Variants in POLR2F observed in about 807,000 individuals in gnomAD.
The protein encoded by POLR2F is DNA-directed RNA polymerases I, II, and III subunit RPABC2.
In POLR2F, 12 loss-of-function variants were observed where a neutral mutation model predicts 22.7. The observed-to-expected ratio is 0.53, with a 90% confidence interval of 0.34 to 0.86. The LOEUF (loss-of-function observed/expected upper bound fraction) is 0.86. POLR2F is among the 40% of genes least tolerant of loss of function. POLR2F has a pLI of 0.02. For missense variants in POLR2F, 126 were observed against 171.5 expected (o/e 0.73, Z 1.48); for synonymous variants, 57 against 66.0 (o/e 0.86, Z 0.66).
intron 4 of POLR2F, 131 bp downstream of exon 4, chr22:37,967,301 A>ATT (rs1931894623): frequency 6.5e-7 from 1 of 1,527,372 alleles, no homozygotes; most frequent in African/African-American, 1.4e-5. Flanking sequence ...CCTTAGGAAC[A>ATT]GCTCACCAGG....
Position 38,016,201 on chromosome 22 carries a change from C to G in POLR2F, c.121-9668C>G, listed in dbSNP as rs369104710. ...CGAATCTGTTTTGCCCTGAAAGGCACAGCTGGGCCAAAGCCTGGGGTCATC... is the reference window on the plus strand; with the variant it reads ...CGAATCTGTTTTGCCCTGAAAGGCAGAGCTGGGCCAAAGCCTGGGGTCATC... On this transcript the variant is annotated intron_variant, in intron 1 of 2. Transcript: ENST00000333418. The surrounding 1 kb of genome is among the most constrained non-coding windows in gnomAD (Gnocchi z 4.4). 2.0e-5 allele frequency among the ~76,000 whole-genome samples: 3 copies of G among 152,344 alleles called. No individual in the cohort carries two copies. The highest frequency in any genetic ancestry group is 7.2e-5 in the African/African-American group (3 of 41,578).
chr22:37,991,134 CTAT>C (rs1313340684), intron 1 of POLR2F, among the ~76,000 whole-genome samples: 1 of 152,080 alleles, frequency 6.6e-6, no homozygotes, highest in Non-Finnish European at 1.5e-5. Context: ...ATTATTATTA[CTAT>C]TATTATTTGA....
chr22:37,963,125 T>TACAG (rs1296608338), intron 3 of POLR2F, among the ~76,000 whole-genome samples: 1 of 150,806 alleles, frequency 6.6e-6, no homozygotes, highest in Non-Finnish European at 1.5e-5. Flanking sequence ...TAGCTGGGAT[T>TACAG]ACAGGCACCC....
chr22:37,989,583 C>T (rs747853740), intron 1 of POLR2F, among the ~76,000 whole-genome samples: 1 of 152,232 alleles, frequency 6.6e-6, no homozygotes, highest in South Asian at 2.1e-4. Context: ...GGTGCCGGCT[C>T]AGCTGTGAGG....
chr22:37,971,552 G>C (rs1932051904), downstream of POLR2F, among the ~76,000 whole-genome samples: 1 of 152,158 alleles, frequency 6.6e-6, no homozygotes, highest in Admixed American at 6.5e-5. Context: ...AGAGCTCTTA[G>C]GGAGTAGGCG....
rs1323885130 is a variant in POLR2F at position 37,986,997 on chromosome 22, A to C, written c.120+685A>C. The stretch of plus-strand genomic sequence containing the variant: ...TCCTCCTTTCCCTGCTGGGGGTGGC[A>C]GGGGTCCCTTTACCCCCTCATTCTT... On this transcript the variant is annotated intron_variant, in intron 1 of 2. Transcript: ENST00000333418. The surrounding 1 kb of genome is among the most constrained non-coding windows in gnomAD (Gnocchi z 4.7). The C allele has an allele frequency of 2.2e-6, 1 of 454,146 alleles. No individual in the cohort carries two copies. The highest frequency in any genetic ancestry group is 1.6e-5 in the South Asian group (1 of 64,502). The allele number at this position is 454,146 out of a possible 1,614,324, so 28.1% of individuals were successfully genotyped here. A position where few individuals can be genotyped will look rare whatever the true frequency, so the allele number is the denominator to read the frequency against.
upstream of POLR2F, among the ~76,000 whole-genome samples, chr22:37,982,715 G>A (rs1040753889): frequency 9.9e-5 from 15 of 152,120 alleles, no homozygotes; most frequent in African/African-American, 3.6e-4. Flanking sequence ...GGCAGGGCAG[G>A]AGGGGGAGCC....
chr22:38,012,769 C>G (rs1355153386), intron 1 of POLR2F, among the ~76,000 whole-genome samples: 1 of 152,190 alleles, frequency 6.6e-6, no homozygotes, highest in East Asian at 1.9e-4. Flanking sequence ...TGTCCCTCAA[C>G]TTGTTTTTTT....
At chr22:38,023,331 T>G (rs926987342) in intron 1 of POLR2F, among the ~76,000 whole-genome samples, 8 of 152,180 alleles carry the variant, frequency 5.3e-5, no homozygotes, top group African/African-American at 1.9e-4. Context: ...GTCAGTGATG[T>G]CTGCTTGTCT....
chr22:37,954,148 G>T (rs1207222429), intron 1 of POLR2F, among the ~76,000 whole-genome samples: 2 of 152,048 alleles, frequency 1.3e-5, no homozygotes, highest in African/African-American at 2.4e-5. Context: ...CTAGAAAAGG[G>T]GTCACAGGCC....
In POLR2F at chr22:38,016,860, G is replaced by C. The variant is rs1442076579; in HGVS notation, c.121-9009G>C. 1.3e-5 allele frequency among the ~76,000 whole-genome samples: 2 copies of C among 152,096 alleles called. No homozygotes were observed. The highest frequency in any genetic ancestry group is 2.9e-5 in the Non-Finnish European group (2 of 67,986). On this transcript the variant is annotated intron_variant, in intron 1 of 2. Transcript: ENST00000333418. This position sits in a 1 kb window ranked among gnomAD's most constrained non-coding sequence, Gnocchi z 4.4. ...AAAAAAAAAAGATACAAGCTGGGGA[G>C]GGAAGAGGAGGGCAGAAAAGAAAGA...
rs2084928513 is a variant in POLR2F at position 38,017,892 on chromosome 22, C to G, written c.121-7977C>G. ...AACCATATGGAACAAGTTAAGCCTC[C>G]CTGAGAATTGGTTTCCTCACTTGTA... On this transcript the variant is annotated intron_variant, in intron 1 of 2. Transcript: ENST00000333418. The surrounding 1 kb of genome is among the most constrained non-coding windows in gnomAD (Gnocchi z 4.1). 2.6e-5 allele frequency among the ~76,000 whole-genome samples: 4 copies of G among 152,188 alleles called. No homozygotes were observed. Among genetic ancestry groups the G allele is most frequent in the African/African-American group, 7.2e-5 (3 of 41,446 alleles).
downstream of POLR2F, among the ~76,000 whole-genome samples, chr22:38,031,451 G>A (rs902685193): frequency 6.6e-6 from 1 of 152,086 alleles, no homozygotes. This position sits in a 1 kb window ranked among gnomAD's most constrained non-coding sequence, Gnocchi z 4.1. Context: ...TTACAGTCAT[G>A]TCTGTCTCCT....
chr22:37,956,093 C>A (rs2744978), intron 1 of POLR2F, among the ~76,000 whole-genome samples: 2 of 149,814 alleles, frequency 1.3e-5, no homozygotes, highest in African/African-American at 5.0e-5. Flanking sequence ...TTTGCGGTGG[C>A]GGGGGGGGGT....
At chr22:37,994,374 G>T (rs893426384) in intron 1 of POLR2F, among the ~76,000 whole-genome samples, 1 of 152,142 alleles carries the variant, frequency 6.6e-6, no homozygotes, top group Non-Finnish European at 1.5e-5. Context: ...TTGAAACAGG[G>T]TCTCACTCTG....
chr22:38,041,183 G>C, downstream of POLR2F: 1 of 1,601,438 alleles, frequency 6.2e-7, no homozygotes. Flanking sequence ...GGTGGGGACT[G>C]GTCAAGGCGG....
At chr22:37,982,244 T>C (rs1932422026), upstream of POLR2F, among the ~76,000 whole-genome samples, 1 of 152,230 alleles carries the variant, frequency 6.6e-6, no homozygotes. Flanking sequence ...GTTCTGGCCC[T>C]GGCTCTGCTA....
At chr22:38,032,062 A>C (rs969414359) in intron 5 of POLR2F, 3 of 151,758 alleles carry the variant, frequency 2.0e-5, no homozygotes, top group Non-Finnish European at 1.5e-5. Context: ...CAATGGCGCG[A>C]TCTTGGCTCA....
At chr22:38,033,539 C>CT (rs1569185664) in intron 5 of POLR2F, among the ~76,000 whole-genome samples, 18 of 152,352 alleles carry the variant, frequency 1.2e-4, no homozygotes, top group African/African-American at 4.3e-4. Flanking sequence ...ATCACCAGTG[C>CT]CCACAGAGCC....
Sources: allele counts gnomAD v4.1 joint callset (sites outside exome capture counted in the v4.1 genomes callset), GRCh38; gene constraint gnomAD v4.1.1; non-coding constraint Gnocchi (gnomAD v3.1); transcripts MANE v1.5; gene names NCBI Gene and HGNC (gene_info 2026-07-23, HGNC 2026-07-21).